PIP4K2A: variants seen among roughly 807,000 people sequenced by gnomAD.
PIP4K2A encodes the protein phosphatidylinositol-5-phosphate 4-kinase type 2 alpha.
Under a neutral mutation model 42.9 loss-of-function variants are expected in PIP4K2A, and 14 were observed. The observed-to-expected ratio is 0.33, with a 90% confidence interval of 0.22 to 0.51. PIP4K2A has a LOEUF of 0.51. Among genes scored for constraint, PIP4K2A ranks in the 20% least tolerant of loss-of-function variants. The pLI is 0.97. For synonymous variants in PIP4K2A, 192 were observed against 192.2 expected, an observed-to-expected ratio of 1.00 and a Z score of 0.01; for missense variants, 434 against 519.8, an observed-to-expected ratio of 0.83 and a Z score of 1.61.
At chr10:22,537,629 T>TA (rs1446114525) in intron 9 of PIP4K2A, among the ~76,000 whole-genome samples, 1 of 152,164 alleles carries the variant, frequency 6.6e-6, no homozygotes, top group African/African-American at 2.4e-5. Flanking sequence ...AAACAATACT[T>TA]ATGTTATACT....
In PIP4K2A at chr10:22,536,967, AACAC is replaced by A. The variant is rs34780922; in HGVS notation, c.*230_*233del. 2,135 of 336,832 alleles carry A rather than the reference AACAC, an allele frequency of 6.3e-3. No homozygotes were observed. The highest frequency in any genetic ancestry group is 0.013 in the South Asian group (307 of 23,676). The allele number at this position is 336,832 out of a possible 1,614,324, so 20.9% of individuals were successfully genotyped here. On this transcript the variant is annotated 3_prime_UTR_variant, in exon 10 of 10. Coordinates refer to ENST00000376573, the MANE Select transcript of PIP4K2A (RefSeq NM_005028.5). ...CGCGCGCACACACTCACCCCCCCCC[AACAC>A]ACACACACACACATATACACAAAGT...
intron 1 of PIP4K2A, among the ~76,000 whole-genome samples, chr10:22,708,223 A>G (rs1490571316): frequency 6.6e-6 from 1 of 152,196 alleles, no homozygotes; most frequent in Non-Finnish European, 1.5e-5. Flanking sequence ...TTAAGCTTTC[A>G]CAGCCACCCG....
intron 6 of PIP4K2A, among the ~76,000 whole-genome samples, chr10:22,561,988 G>A (rs945746213): frequency 5.9e-5 from 9 of 152,176 alleles, no homozygotes; most frequent in South Asian, 2.1e-4. Flanking sequence ...AATGTAGTAA[G>A]TGTTTTTAGC....
At chr10:22,695,997 T>G (rs1235498364) in intron 1 of PIP4K2A, among the ~76,000 whole-genome samples, 1 of 152,196 alleles carries the variant, frequency 6.6e-6, no homozygotes, top group Non-Finnish European at 1.5e-5. Flanking sequence ...GTAAGAAGAC[T>G]GCATGCGCAA....
At chr10:22,547,175 C>T (rs567528427) in intron 7 of PIP4K2A, among the ~76,000 whole-genome samples, 1 of 152,346 alleles carries the variant, frequency 6.6e-6, no homozygotes, top group South Asian at 2.1e-4. Flanking sequence ...TCTACCACAT[C>T]ACCATCTCCC....
intron 6 of PIP4K2A, among the ~76,000 whole-genome samples, chr10:22,555,180 A>G (rs1836506635): frequency 6.6e-6 from 1 of 152,170 alleles, no homozygotes; most frequent in African/African-American, 2.4e-5. Flanking sequence ...CTTTCCACGT[A>G]GGAGACAAAC....
chr10:22,584,774 T>A (rs1420746663), intron 4 of PIP4K2A, among the ~76,000 whole-genome samples: 1 of 152,244 alleles, frequency 6.6e-6, no homozygotes, highest in African/African-American at 2.4e-5. Context: ...GCAGAGGGTC[T>A]ACTGGGAGCT....
chr10:22,658,025 C>A (rs1486131626), intron 1 of PIP4K2A, among the ~76,000 whole-genome samples: 1 of 152,092 alleles, frequency 6.6e-6, no homozygotes. Context: ...GCCAGAAGTA[C>A]AGACAGGAAG....
intron 1 of PIP4K2A, among the ~76,000 whole-genome samples, chr10:22,690,732 A>ACTT (rs1839851736): frequency 6.6e-6 from 1 of 152,212 alleles, no homozygotes; most frequent in African/African-American, 2.4e-5. Context: ...AGAAGAGAAA[A>ACTT]CTGAGCTTGA....
rs536689608 is a variant in PIP4K2A at position 22,653,019 on chromosome 10, G to A, written c.145-43302C>T. On this transcript the variant is annotated intron_variant, in intron 1 of 9. Coordinates refer to ENST00000376573, the MANE Select transcript of PIP4K2A (RefSeq NM_005028.5). ...TGATGTGGGAGGATGGCTCGAGCCCGTAAGTTTGAGGTTGCAGTGAGCTAT... is the reference window on the plus strand; with the variant it reads ...TGATGTGGGAGGATGGCTCGAGCCCATAAGTTTGAGGTTGCAGTGAGCTAT... Among the ~76,000 whole-genome samples, 23 of 152,226 alleles carry A rather than the reference G, an allele frequency of 1.5e-4. No individual in the cohort carries two copies. In the South Asian group the frequency reaches 1.7e-3, roughly 11 times the overall value.
At chr10:22,569,108 T>A in intron 5 of PIP4K2A, 1 of 1,259,078 alleles carries the variant, frequency 7.9e-7, no homozygotes, top group Non-Finnish European at 1.1e-6. Flanking sequence ...AGCTCAGGCA[T>A]TGACTAGGAT....
chr10:22,677,817 A>C (rs2099824164), intron 1 of PIP4K2A, among the ~76,000 whole-genome samples: 1 of 152,194 alleles, frequency 6.6e-6, no homozygotes, highest in Non-Finnish European at 1.5e-5. Context: ...CTAGCATCTC[A>C]ATCAGTCAGT....
chr10:22,664,032 C>CATAT lies in PIP4K2A; in HGVS notation c.144+50147_144+50150dup, dbSNP rs1384082287. On this transcript the variant is annotated intron_variant, in intron 1 of 9. Transcript: ENST00000376573. ...CTCTCTCTCTCTCTCCATATATATACATATATATATATATACATATGTATA... is the reference window on the plus strand; with the variant it reads ...CTCTCTCTCTCTCTCCATATATATACATATATATATATATATATACATATGTATA... Among the ~76,000 whole-genome samples, 160 of 105,238 alleles carry CATAT rather than the reference C, an allele frequency of 1.5e-3. 1 individual carries two copies. Among genetic ancestry groups the CATAT allele is most frequent in the Non-Finnish European group, 2.3e-3 (127 of 55,292 alleles). 69.0% of individuals were successfully genotyped at this position (105,238 alleles called of 152,430 possible).
At chr10:22,683,006 T>A (rs1422373721) in intron 1 of PIP4K2A, among the ~76,000 whole-genome samples, 2 of 152,174 alleles carry the variant, frequency 1.3e-5, no homozygotes, top group African/African-American at 4.8e-5. Context: ...TTCAGATCCT[T>A]CTTTATTTTT....
intron 8 of PIP4K2A, among the ~76,000 whole-genome samples, chr10:22,540,301 T>A (rs1459585772): frequency 6.6e-6 from 1 of 151,332 alleles, no homozygotes; most frequent in Non-Finnish European, 1.5e-5. Flanking sequence ...GAAACAACCC[T>A]AACAACTAAA....
intron 1 of PIP4K2A, among the ~76,000 whole-genome samples, chr10:22,654,174 C>A (rs969478892): frequency 2.0e-5 from 3 of 152,174 alleles, no homozygotes; most frequent in Admixed American, 2.0e-4. Context: ...TTTTGAAAAA[C>A]ACATGTTTCC....
chr10:22,595,423 TA>T (rs1228628020), intron 3 of PIP4K2A, among the ~76,000 whole-genome samples: 4 of 152,222 alleles, frequency 2.6e-5, no homozygotes, highest in African/African-American at 9.6e-5. Context: ...GTATTTTTAT[TA>T]TCATTTACTT....
chr10:22,569,677 G>A (rs1275136273), intron 5 of PIP4K2A, among the ~76,000 whole-genome samples: 1 of 152,086 alleles, frequency 6.6e-6, no homozygotes, highest in African/African-American at 2.4e-5. Flanking sequence ...GTGTCTGTCT[G>A]TGTCTGTGTG....
At chr10:22,668,861 G>T (rs1411079490) in intron 1 of PIP4K2A, among the ~76,000 whole-genome samples, 2 of 152,102 alleles carry the variant, frequency 1.3e-5, no homozygotes, top group African/African-American at 4.8e-5. Context: ...GGCTGTTTTT[G>T]TAAAGAAAAA....
Sources: gnomAD v4.1 joint callset for allele counts (sites outside exome capture counted in the v4.1 genomes callset) on GRCh38, gnomAD v4.1.1 for gene constraint, MANE v1.5 for transcripts, NCBI Gene and HGNC (gene_info 2026-07-23, HGNC 2026-07-21) for gene names.